The following TECTA variants were observed in gnomAD, a reference collection of about 807,000 sequenced individuals.
TECTA encodes the protein alpha-tectorin.
A neutral mutation model predicts 216.8 loss-of-function variants in TECTA; 128 were observed. The ratio of observed to expected loss-of-function variants is 0.59; its 90% CI spans 0.51 to 0.68. TECTA has a LOEUF of 0.68. Among genes scored for constraint, TECTA ranks in the 30% least tolerant of loss-of-function variants. The pLI is 0.00. For synonymous variants in TECTA, 1,089 were observed against 1,117.1 expected, an observed-to-expected ratio of 0.97 and a Z score of 0.50; for missense variants, 2,551 against 2,786.2, an observed-to-expected ratio of 0.92 and a Z score of 1.90.
intron 13 of TECTA, 41 bp from the exon 14 acceptor site, chr11:121,157,800 A>C: frequency 6.2e-7 from 1 of 1,612,392 alleles, no homozygotes; most frequent in Non-Finnish European, 8.5e-7. Flanking sequence ...CCCAGCCCTG[A>C]CCACAGTCTG....
At chr11:121,151,800 TA>T (rs1162198274) in intron 12 of TECTA, among the ~76,000 whole-genome samples, 1 of 152,218 alleles carries the variant, frequency 6.6e-6, no homozygotes, top group East Asian at 1.9e-4. Flanking sequence ...CTATATAATT[TA>T]AAAAATGAAA....
chr11:121,173,564 C>T (rs1268012840), intron 20 of TECTA, among the ~76,000 whole-genome samples: 1 of 115,134 alleles, frequency 8.7e-6, no homozygotes, highest in Non-Finnish European at 1.8e-5. Context: ...TGTTTTGGTA[C>T]CAGTACCATG....
rs35282525 is a variant in TECTA at position 121,118,517 on chromosome 11, C to T, written c.1002C>T (p.Asp334=). ...GGGAGCCACACTACCACACTTTTGA[C>T]GGCTTCCTCTTCCACTTCCAAGGCT... The part of the protein sequence containing the change: ...VFGEPHYHTF[D]GFLFHFQGSC... The change falls in exon 7 of 24, where the codon GAC becomes GAT. Residue 334 remains aspartate, a synonymous_variant. Coordinates refer to ENST00000392793, the MANE Select transcript of TECTA (RefSeq NM_005422.4). The T allele has an allele frequency of 2.2e-4, 358 of 1,614,192 alleles. 2 individuals carry two copies. In the African/African-American group the frequency reaches 2.9e-3, roughly 13 times the overall value.
At chr11:121,131,762 G>C (rs1946677366) in intron 10 of TECTA, among the ~76,000 whole-genome samples, 2 of 152,202 alleles carry the variant, frequency 1.3e-5, no homozygotes, top group Non-Finnish European at 2.9e-5. Flanking sequence ...TTCTTGAAGA[G>C]TACAGGCCAG....
At chr11:121,124,041 A>G (rs1399536403) in intron 7 of TECTA, among the ~76,000 whole-genome samples, 2 of 152,100 alleles carry the variant, frequency 1.3e-5, no homozygotes, top group Non-Finnish European at 2.9e-5. Flanking sequence ...TTCCCTGACC[A>G]TCCTATTTAA....
chr11:121,105,199 C>G lies in TECTA; in HGVS notation c.65-632C>G, dbSNP rs1433608717. On this transcript the variant is annotated intron_variant, in intron 2 of 23. Transcript: ENST00000392793. The surrounding 1 kb of genome is among the most constrained non-coding windows in gnomAD (Gnocchi z 5.3). ...ATTCTCTCCAAAGAGTTCTCAAGGA[C>G]CCAACCCTCTGACCCCGGAGGATCT... 6.6e-6 allele frequency among the ~76,000 whole-genome samples: 1 copy of G among 152,202 alleles called. No homozygotes were observed. Among genetic ancestry groups the G allele is most frequent in the Non-Finnish European group, 1.5e-5 (1 of 68,034 alleles).
In TECTA at chr11:121,137,551, T is replaced by A. The variant is rs1227426814; in HGVS notation, c.3072T>A (p.Ala1024=). Residue 1024 remains alanine (A), a synonymous_variant, in exon 11 of 24, where the codon GCT becomes GCA. Transcript: ENST00000392793. The part of the protein sequence containing the change: ...SEGCQCDEGY[A]LLGSQCVTRS... ...GATGTCAGTGTGATGAGGGCTATGC[T>A]CTACTGGGCAGCCAGTGTGTCACGC... 2 of 1,613,740 alleles carry A rather than the reference T, an allele frequency of 1.2e-6. No individual in the cohort carries two copies. Among genetic ancestry groups the A allele is most frequent in the African/African-American group, 2.7e-5 (2 of 74,818 alleles).
chr11:121,104,280 A>T (rs1348308261), intron 2 of TECTA, among the ~76,000 whole-genome samples: 1 of 152,080 alleles, frequency 6.6e-6, no homozygotes, highest in East Asian at 1.9e-4. Context: ...AGGAATTTTT[A>T]ATTTGTTACT....
chr11:121,188,488 T>C (rs1338332998), intron 21 of TECTA, among the ~76,000 whole-genome samples: 2 of 152,188 alleles, frequency 1.3e-5, no homozygotes, highest in East Asian at 3.8e-4. Context: ...ACCAAACTCT[T>C]GAGCTCAGGA....
At chr11:121,115,768 C>A (rs148700899) in intron 6 of TECTA, among the ~76,000 whole-genome samples, 388 of 152,246 alleles carry the variant, frequency 2.5e-3, no homozygotes, top group Middle Eastern at 0.01. Context: ...TCAAGTAATC[C>A]TCTCACCTCA....
chr11:121,127,707 G>T lies in TECTA; in HGVS notation c.1775-45G>T, dbSNP rs762683204. The stretch of plus-strand genomic sequence containing the variant: ...AAGATTCTGGCGGGTTAGCACTCCG[G>T]GTCCATTCACCTTGTTATCGGCTCT... On this transcript the variant is annotated intron_variant, in intron 8 of 23. Transcript: ENST00000392793. This position sits in a 1 kb window ranked among gnomAD's most constrained non-coding sequence, Gnocchi z 5.0. 4.8e-5 allele frequency: 77 copies of T among 1,607,276 alleles called. No homozygotes were observed. Among genetic ancestry groups the T allele is most frequent in the Non-Finnish European group, 6.2e-5 (73 of 1,174,114 alleles).
At position 121,152,942 on chromosome 11, in the gene TECTA, C is replaced by T. The variant is rs745818507; in HGVS notation, c.4167C>T (p.Cys1389=). The change falls in exon 13 of 24, where the codon TGC becomes TGT. Residue 1389 remains cysteine, a synonymous_variant. Coordinates refer to ENST00000392793, the MANE Select transcript of TECTA (RefSeq NM_005422.4). ...GCGTGAGTGTCTGCCAGCCCCGCTGCGCCGCCATCCGCCTGAAGAGTGACT... is the reference window on the plus strand; with the variant it reads ...GCGTGAGTGTCTGCCAGCCCCGCTGTGCCGCCATCCGCCTGAAGAGTGACT... ...ESCVSVCQPR[C]AAIRLKSDCS... is the part of the protein sequence containing the mutation. 2.6e-5 allele frequency: 42 copies of T among 1,613,034 alleles called. No individual in the cohort carries two copies. The East Asian group carries it at 3.1e-4, about 12-fold the overall frequency.
intron 14 of TECTA, among the ~76,000 whole-genome samples, chr11:121,159,782 C>G (rs745684346): frequency 1.3e-5 from 2 of 152,182 alleles, no homozygotes; most frequent in Non-Finnish European, 2.9e-5. Flanking sequence ...GTGGGTTATA[C>G]TTTTCTAAGG....
chr11:121,113,973 G>C lies in TECTA; in HGVS notation c.790+255G>C, dbSNP rs565697068. The stretch of plus-strand genomic sequence containing the variant: ...ACAGTTATCCGTTCTGAACAACTCC[G>C]AAATGGACCAAGATCTTGAGTGATT... On this transcript the variant is annotated intron_variant, in intron 6 of 23. Coordinates refer to ENST00000392793, the MANE Select transcript of TECTA (RefSeq NM_005422.4). This position sits in a 1 kb window ranked among gnomAD's most constrained non-coding sequence, Gnocchi z 4.2. 1.3e-5 allele frequency among the ~76,000 whole-genome samples: 2 copies of C among 152,148 alleles called. No individual in the cohort carries two copies. The highest frequency in any genetic ancestry group is 4.8e-5 in the African/African-American group (2 of 41,436).
intron 11 of TECTA, chr11:121,141,115 G>A (rs991085050): frequency 2.0e-5 from 3 of 152,214 alleles, no homozygotes; most frequent in African/African-American, 4.8e-5. Context: ...AGCTCAGGGT[G>A]CATTGAGGGT....
chr11:121,124,812 T>C (rs1462385925), intron 7 of TECTA, among the ~76,000 whole-genome samples: 2 of 152,144 alleles, frequency 1.3e-5, no homozygotes, highest in Admixed American at 1.3e-4. Context: ...CAGGACAGCC[T>C]CAAAGCTAAA....
intron 11 of TECTA, among the ~76,000 whole-genome samples, chr11:121,139,950 G>T (rs1946768302): frequency 6.6e-6 from 1 of 152,138 alleles, no homozygotes; most frequent in Non-Finnish European, 1.5e-5. Flanking sequence ...TGCCCACGTT[G>T]CTCGCATCAT....
In TECTA at chr11:121,146,072, C is replaced by G. The variant is rs148440178; in HGVS notation, c.4061C>G (p.Thr1354Ser). Residue 1354 changes from threonine (T) to serine (S), a missense_variant, in exon 12 of 24, where the codon ACT becomes AGT. Coordinates refer to ENST00000392793, the MANE Select transcript of TECTA (RefSeq NM_005422.4). ...WLQNYASTCQ[T>S]QGITVTGWRN... Reference sequence around the variant, plus strand: ...CAGAACTACGCCAGCACCTGCCAGACTCAGGGGATTACGGTGACTGGCTGG... The same window carrying G: ...CAGAACTACGCCAGCACCTGCCAGAGTCAGGGGATTACGGTGACTGGCTGG... 3.7e-6 allele frequency: 6 copies of G among 1,612,714 alleles called. No individual in the cohort carries two copies. The highest frequency in any genetic ancestry group is 5.1e-6 in the Non-Finnish European group (6 of 1,180,042).
Position 121,127,902 on chromosome 11 carries a change from G to A in TECTA, c.1925G>A (p.Ser642Asn). The change falls in exon 9 of 24, where the codon AGC becomes AAC. Residue 642 changes from serine (S) to asparagine (N), a missense_variant. Ser to Asn is a conservative substitution (Grantham distance 46). This residue lies in a region of TECTA where 2,375 missense variants were observed against 2,563.9 expected (regional missense o/e 0.93). Coordinates refer to ENST00000392793, the MANE Select transcript of TECTA (RefSeq NM_005422.4). This position sits in a 1 kb window ranked among gnomAD's most constrained non-coding sequence, Gnocchi z 5.0. The part of the protein sequence containing the change: ...ECNQGFVLST[S>N]QCVPLHKCGC... ...AACCAGGGCTTCGTCCTCAGCACCA[G>A]CCAGTGCGTCCCTCTGCACAAGTGC... 1 of 1,614,096 alleles carries A rather than the reference G, an allele frequency of 6.2e-7. No individual in the cohort carries two copies. Among genetic ancestry groups the A allele is most frequent in the East Asian group, 2.2e-5 (1 of 44,878 alleles).
Sources: allele counts gnomAD v4.1 joint callset (sites outside exome capture counted in the v4.1 genomes callset), GRCh38; gene constraint gnomAD v4.1.1; regional missense constraint gnomAD v4.1.1; non-coding constraint Gnocchi (gnomAD v3.1); transcripts MANE v1.5; gene names NCBI Gene and HGNC (gene_info 2026-07-23, HGNC 2026-07-21).